HUWE1: variants seen among roughly 807,000 people sequenced by gnomAD.
HUWE1 encodes HECT, UBA and WWE domain containing E3 ubiquitin protein ligase 1.
Under a neutral mutation model 299.4 loss-of-function variants are expected in HUWE1, and 18 were observed. The ratio of observed to expected loss-of-function variants is 0.06; its 90% CI spans 0.04 to 0.09. HUWE1 has a LOEUF of 0.09. Ranked by LOEUF, HUWE1 falls within the 10% of genes least tolerant of loss-of-function variation. The pLI is 1.00. For synonymous variants in HUWE1, 1,317 were observed against 1,286.1 expected (o/e 1.02, Z -0.51); for missense variants, 1,832 against 3,462.3 (o/e 0.53, Z 11.82).
intron 29 of HUWE1, among the ~76,000 whole-genome samples, chrX:53,596,888 G>A (rs2064511112): frequency 8.9e-6 from 1 of 112,459 alleles, no homozygotes; most frequent in African/African-American, 3.2e-5. Flanking sequence ...TGAATTCAGT[G>A]TAAAGACCAT....
chrX:53,627,563 ATT>A (rs200854973), intron 16 of HUWE1, 48 bp from the exon 17 acceptor site: 43,729 of 481,976 alleles, frequency 0.091, 335 homozygotes, highest in East Asian at 0.17. Flanking sequence ...ATATATATAT[ATT>A]TTTTTTTTCA....
intron 67 of HUWE1, 138 bp downstream of exon 67, chrX:53,548,821 A>T (rs2061652831): frequency 3.7e-6 from 2 of 545,361 alleles, no homozygotes; most frequent in African/African-American, 4.6e-5. Context: ...ATATAGGACA[A>T]TCCCCTAGAA....
chrX:53,590,602 T>TA, intron 34 of HUWE1, 103 bp from the exon 35 acceptor site: 1 of 630,036 alleles, frequency 1.6e-6, no homozygotes, highest in Non-Finnish European at 2.7e-6. Context: ...GTGCTCAAGC[T>TA]AAAGAGAGAG....
intron 81 of HUWE1, 86 bp from the exon 82 acceptor site, chrX:53,534,783 A>G (rs1299360510): frequency 1.2e-6 from 1 of 849,144 alleles, no homozygotes; most frequent in Non-Finnish European, 1.7e-6. Context: ...CCCATCTACC[A>G]CTGTTAGCTG....
intron 13 of HUWE1, 47 bp from the exon 14 acceptor site, chrX:53,628,949 T>C: frequency 1.9e-6 from 2 of 1,080,305 alleles, no homozygotes; most frequent in South Asian, 1.9e-5. Context: ...TATAATAAGA[T>C]GACTGAACCA....
chrX:53,566,326 C>G (rs1372155366), intron 49 of HUWE1, among the ~76,000 whole-genome samples: 1 of 106,873 alleles, frequency 9.4e-6, no homozygotes, highest in Non-Finnish European at 1.9e-5. Context: ...AATGGGACAG[C>G]TGGGCGTGAT....
rs782765877 is a variant in HUWE1 at position 53,552,880 on chromosome X, T to C, written c.8508A>G (p.Pro2836=). Residue 2836 remains proline, a synonymous_variant, in exon 62 of 84, where the codon CCA becomes CCG. Transcript: ENST00000262854. ...SPAPTITSLS[P]ERAEDSDALT... ...GTGCATCAGAATCCTCAGCTCTCTC[T>C]GGGGAAAGTGAGGCTAGGAAGAAGT... The C allele has an allele frequency of 8.3e-7, 1 of 1,211,654 alleles. No homozygotes were observed. The highest frequency in any genetic ancestry group is 3.0e-5 in the East Asian group (1 of 33,845).
At chrX:53,663,622 T>C (rs1557046435) in intron 3 of HUWE1, among the ~76,000 whole-genome samples, 1 of 111,561 alleles carries the variant, frequency 9.0e-6, no homozygotes, top group Non-Finnish European at 1.9e-5. Flanking sequence ...CTCAAGTGGC[T>C]GCAAACTGTC....
At chrX:53,640,913 T>G in intron 7 of HUWE1, among the ~76,000 whole-genome samples, 1 of 112,238 alleles carries the variant, frequency 8.9e-6, no homozygotes, top group Middle Eastern at 4.6e-3. Context: ...TATGAAATAT[T>G]AGTGTGTTTA....
At chrX:53,644,014 G>C (rs1259459033) in intron 7 of HUWE1, among the ~76,000 whole-genome samples, 1 of 110,752 alleles carries the variant, frequency 9.0e-6, no homozygotes, top group Non-Finnish European at 1.9e-5. Context: ...TGCAGAGACG[G>C]GATTTCGCCA....
At chrX:53,613,807 A>C (rs1201826101) in intron 23 of HUWE1, among the ~76,000 whole-genome samples, 3 of 112,074 alleles carry the variant, frequency 2.7e-5, no homozygotes, top group Non-Finnish European at 5.6e-5. Flanking sequence ...AGGACTTCTT[A>C]GGAGACAGGC....
chrX:53,543,409 A>C (rs2061430118), intron 73 of HUWE1, among the ~76,000 whole-genome samples: 1 of 110,929 alleles, frequency 9.0e-6, no homozygotes, highest in African/African-American at 3.3e-5. Flanking sequence ...GGCAGAGGGC[A>C]GGGTGGAGGG....
intron 17 of HUWE1, 117 bp downstream of exon 17, chrX:53,627,293 G>GA: frequency 2.2e-6 from 1 of 457,051 alleles, no homozygotes; most frequent in Non-Finnish European, 3.7e-6. Flanking sequence ...TTTTGTTGCT[G>GA]AAAGTATATA....
intron 19 of HUWE1, among the ~76,000 whole-genome samples, chrX:53,620,178 C>G (rs782637236): frequency 4.5e-5 from 5 of 111,208 alleles, no homozygotes; most frequent in Admixed American, 9.5e-5. Context: ...CGACTCTGAC[C>G]AGGGTACGTA....
intron 17 of HUWE1, chrX:53,625,707 G>A (rs2066436453): frequency 1.4e-5 from 2 of 144,565 alleles, no homozygotes; most frequent in Admixed American, 1.6e-4. Flanking sequence ...TACCATTTAA[G>A]TTCTGCCTAA....
chrX:53,590,266 G>C (rs2064088480), intron 35 of HUWE1, 138 bp downstream of exon 35: 3 of 538,853 alleles, frequency 5.6e-6, no homozygotes, highest in Non-Finnish European at 1.0e-5. Context: ...GGATGGCAAA[G>C]CTGGGATGAA....
chrX:53,576,090 A>G lies in HUWE1; in HGVS notation c.5885-302T>C, dbSNP rs1411216562. On this transcript the variant is annotated intron_variant, in intron 44 of 83. Coordinates refer to ENST00000262854, the MANE Select transcript of HUWE1 (RefSeq NM_031407.7). ...AAATGGTTGCCACAGCTATATAGCT[A>G]AACTATTTCGGGGAGGTGATAAGAG... Among the ~76,000 whole-genome samples, 4 of 112,237 alleles carry G rather than the reference A, an allele frequency of 3.6e-5. No homozygotes were observed. The Admixed American group carries it at 3.8e-4, about 11-fold the overall frequency.
rs1206804257 is a variant in HUWE1, at chrX:53,561,437, T to C, written c.7507+319A>G. Among the ~76,000 whole-genome samples, 4 of 112,935 alleles carry C rather than the reference T, an allele frequency of 3.5e-5. No individual in the cohort carries two copies. In the East Asian group the frequency reaches 1.1e-3, roughly 31 times the overall value. ...TAAGGATTATTGATTGCCCTGCCAC[T>C]GTGGTGTGCACATGGGTGCCTGATG... On this transcript the variant is annotated intron_variant, in intron 55 of 83. Coordinates refer to ENST00000262854, the MANE Select transcript of HUWE1 (RefSeq NM_031407.7).
rs1556981507 is a variant in HUWE1 at position 53,593,568 on chromosome X, T to C, written c.3537A>G (p.Lys1179=). ...TFNWALSMGG[K]VPVSEGLEHS... Reference sequence around the variant, plus strand: ...GTTCCAATCCCTCAGAAACAGGAACTTTACCTCCCATGGACAGAGCCCAGT... The same window carrying C: ...GTTCCAATCCCTCAGAAACAGGAACCTTACCTCCCATGGACAGAGCCCAGT... The change falls in exon 32 of 84, where the codon AAA becomes AAG. Residue 1179 remains lysine, a synonymous_variant. Coordinates refer to ENST00000262854, the MANE Select transcript of HUWE1 (RefSeq NM_031407.7). The C allele has an allele frequency of 8.3e-7, 1 of 1,209,228 alleles. No individual in the cohort carries two copies. The highest frequency in any genetic ancestry group is 2.2e-5 in the Admixed American group (1 of 46,050).
Sources: allele counts gnomAD v4.1 joint callset (sites outside exome capture counted in the v4.1 genomes callset), GRCh38; gene constraint gnomAD v4.1.1; transcripts MANE v1.5; gene names NCBI Gene and HGNC (gene_info 2026-07-23, HGNC 2026-07-21).